AUTS2: variants seen among roughly 807,000 people sequenced by gnomAD.
AUTS2 encodes autism susceptibility gene 2 protein.
In AUTS2, 17 loss-of-function variants were observed where a neutral mutation model predicts 112.4. The observed-to-expected ratio is 0.15, with a 90% confidence interval of 0.10 to 0.23. AUTS2 has a LOEUF of 0.23. Ranked by LOEUF, AUTS2 falls within the 10% of genes least tolerant of loss-of-function variation. The probability of loss-of-function intolerance (pLI) is 1.00; values close to 1 mark genes in which losing one functional copy is unlikely to be tolerated. For missense variants in AUTS2, 1,510 were observed against 1,701.6 expected (o/e 0.89, Z 1.98); for synonymous variants, 751 against 702.7 (o/e 1.07, Z -1.09).
In AUTS2 at chr7:70,764,778, A is replaced by C; in HGVS notation, c.1241A>C (p.Lys414Thr). The C allele has an allele frequency of 2.5e-6, 2 of 789,178 alleles. No homozygotes were observed. Among genetic ancestry groups the C allele is most frequent in the South Asian group, 1.4e-5 (1 of 69,016 alleles). 48.9% of individuals were successfully genotyped at this position (789,178 alleles called of 1,614,324 possible). A position where few individuals can be genotyped will look rare whatever the true frequency, so the allele number is the denominator to read the frequency against. The change falls in exon 8 of 19, where the codon AAG becomes ACG. Residue 414 changes from lysine to threonine, a missense_variant. Transcript: ENST00000342771. ...LSSSRSSTPA[K>T]TQPAPPHISH... ...AGCAGCAGAAGCAGCACTCCAGCGA[A>C]GACTCAGCCCGCCCCACCTCACATC...
At chr7:69,875,152 C>G (rs1386718760) in intron 1 of AUTS2, among the ~76,000 whole-genome samples, 1 of 151,576 alleles carries the variant, frequency 6.6e-6, no homozygotes, top group Non-Finnish European at 1.5e-5. Flanking sequence ...TTTTTGCTCT[C>G]TTTTAAACCA....
At chr7:69,673,156 T>A (rs1264217915) in intron 1 of AUTS2, among the ~76,000 whole-genome samples, 1 of 152,214 alleles carries the variant, frequency 6.6e-6, no homozygotes, top group Non-Finnish European at 1.5e-5. Context: ...AAAAAATTTT[T>A]TTTGGAAAGG....
At chr7:69,834,997 G>C (rs979849426) in intron 1 of AUTS2, among the ~76,000 whole-genome samples, 1 of 151,606 alleles carries the variant, frequency 6.6e-6, no homozygotes, top group Non-Finnish European at 1.5e-5. Flanking sequence ...CTGTCTGCTT[G>C]CTTGGTTTTT....
chr7:70,683,107 A>G (rs1202862057), intron 5 of AUTS2, among the ~76,000 whole-genome samples: 1 of 152,224 alleles, frequency 6.6e-6, no homozygotes, highest in Non-Finnish European at 1.5e-5. Context: ...ATTATTTGGG[A>G]GCCATATTTG....
intron 5 of AUTS2, among the ~76,000 whole-genome samples, chr7:70,601,625 G>A (rs1329908357): frequency 6.6e-6 from 1 of 152,196 alleles, no homozygotes; most frequent in East Asian, 1.9e-4. Context: ...GTGTGTCAGG[G>A]ATGTGGCGGC....
At chr7:69,797,681 C>T (rs1362949436) in intron 1 of AUTS2, among the ~76,000 whole-genome samples, 1 of 152,016 alleles carries the variant, frequency 6.6e-6, no homozygotes, top group Non-Finnish European at 1.5e-5. Context: ...CAATGGGCTT[C>T]CTTATTTAAG....
chr7:70,698,469 C>T (rs186099530), intron 5 of AUTS2, 100 bp from the exon 6 acceptor site: 59 of 1,059,210 alleles, frequency 5.6e-5, no homozygotes, highest in Non-Finnish European at 7.5e-5. Flanking sequence ...GCTAGGCTTT[C>T]GTAAAATGTA....
intron 4 of AUTS2, among the ~76,000 whole-genome samples, chr7:70,285,401 G>C (rs1013313115): frequency 3.3e-5 from 5 of 152,184 alleles, no homozygotes; most frequent in Admixed American, 1.3e-4. Flanking sequence ...AGTTGGGACA[G>C]TGTTGTACAG....
At chr7:70,133,419 G>A (rs975467734) in intron 3 of AUTS2, among the ~76,000 whole-genome samples, 5 of 152,148 alleles carry the variant, frequency 3.3e-5, no homozygotes, top group African/African-American at 1.2e-4. Context: ...GCAAGTCATT[G>A]TGTGAAGCTC....
At chr7:69,766,084 C>T (rs1400785363) in intron 1 of AUTS2, among the ~76,000 whole-genome samples, 1 of 152,222 alleles carries the variant, frequency 6.6e-6, no homozygotes, top group Non-Finnish European at 1.5e-5. Context: ...AAACTGTCTA[C>T]CATTAAATAA....
intron 5 of AUTS2, among the ~76,000 whole-genome samples, chr7:70,668,359 A>G (rs1459683801): frequency 6.6e-6 from 1 of 152,222 alleles, no homozygotes; most frequent in Non-Finnish European, 1.5e-5. Flanking sequence ...GCAACGTTGC[A>G]CAGAAGACTC....
At chr7:70,301,974 C>T (rs764873430) in intron 4 of AUTS2, among the ~76,000 whole-genome samples, 24 of 151,718 alleles carry the variant, frequency 1.6e-4, no homozygotes, top group Middle Eastern at 3.2e-3. Flanking sequence ...GGCGCATTCT[C>T]GCCATATTGC....
intron 4 of AUTS2, among the ~76,000 whole-genome samples, chr7:70,161,707 T>C (rs1036065484): frequency 5.3e-5 from 8 of 151,928 alleles, no homozygotes; most frequent in African/African-American, 1.7e-4. Flanking sequence ...TCATATATCC[T>C]TAGAGGCTGA....
intron 1 of AUTS2, among the ~76,000 whole-genome samples, chr7:69,720,915 C>T: frequency 6.6e-6 from 1 of 151,984 alleles, no homozygotes; most frequent in East Asian, 1.9e-4. Context: ...CTGAAGAAAG[C>T]CAAAGAAGGT....
At chr7:69,851,882 T>C (rs796433640) in intron 1 of AUTS2, among the ~76,000 whole-genome samples, 1 of 152,206 alleles carries the variant, frequency 6.6e-6, no homozygotes, top group Non-Finnish European at 1.5e-5. Context: ...TTTAGATTTT[T>C]TGGGATTTTT....
chr7:69,838,692 A>G (rs905258929), intron 1 of AUTS2, among the ~76,000 whole-genome samples: 3 of 152,172 alleles, frequency 2.0e-5, no homozygotes, highest in Admixed American at 2.0e-4. Context: ...TCTTCTTTAA[A>G]TGGAGATATT....
chr7:69,729,419 A>ACCCCC (rs796181771), intron 1 of AUTS2, among the ~76,000 whole-genome samples: 3 of 60,448 alleles, frequency 5.0e-5, no homozygotes, highest in Non-Finnish European at 7.1e-5. Flanking sequence ...GTCCCCCAAC[A>ACCCCC]CCCCCCCCCC....
chr7:69,775,180 TA>T (rs1788837945), intron 1 of AUTS2, among the ~76,000 whole-genome samples: 1 of 152,160 alleles, frequency 6.6e-6, no homozygotes, highest in African/African-American at 2.4e-5. Flanking sequence ...CTCTCTCACT[TA>T]ACCCCACCCT....
intron 1 of AUTS2, among the ~76,000 whole-genome samples, chr7:69,877,912 T>C (rs1399985956): frequency 1.1e-4 from 16 of 152,148 alleles, no homozygotes; most frequent in African/African-American, 3.9e-4. Flanking sequence ...ACCAGAGTCA[T>C]GGCAGGCCGT....
Sources: gnomAD v4.1 joint callset for allele counts (sites outside exome capture counted in the v4.1 genomes callset) on GRCh38, gnomAD v4.1.1 for gene constraint, MANE v1.5 for transcripts, NCBI Gene and HGNC (gene_info 2026-07-23, HGNC 2026-07-21) for gene names.